Variants in CARD8 observed in about 807,000 individuals in gnomAD.
The protein encoded by CARD8 is caspase recruitment domain-containing protein 8.
A neutral mutation model predicts 53.2 loss-of-function variants in CARD8; 38 were observed. The observed-to-expected ratio is 0.71, with a 90% CI of 0.55 to 0.94. CARD8 has a LOEUF of 0.94. Among genes scored for constraint, CARD8 ranks in the 40% least tolerant of loss-of-function variants. The probability of loss-of-function intolerance (pLI) is 0.00; values close to 1 mark genes in which losing one functional copy is unlikely to be tolerated. For synonymous variants in CARD8, 245 were observed against 244.9 expected, an observed-to-expected ratio of 1.00 and a Z score of 0.00; for missense variants, 561 against 655.5, an observed-to-expected ratio of 0.86 and a Z score of 1.57.
intron 5 of CARD8, among the ~76,000 whole-genome samples, chr19:48,235,466 C>T (rs976651486): frequency 5.3e-5 from 8 of 152,142 alleles, no homozygotes. Context: ...TGACTTCTGC[C>T]ATGATGGTGA....
At chr19:48,231,309 T>C (rs1005423740) in intron 8 of CARD8, among the ~76,000 whole-genome samples, 1 of 152,166 alleles carries the variant, frequency 6.6e-6, no homozygotes, top group Non-Finnish European at 1.5e-5. Context: ...TATTTTTATT[T>C]ATTTATTTAT....
chr19:48,215,840 A>C (rs941861086), intron 12 of CARD8, among the ~76,000 whole-genome samples: 4 of 152,188 alleles, frequency 2.6e-5, no homozygotes, highest in African/African-American at 9.7e-5. Flanking sequence ...TTTGGAAAAT[A>C]ATTAAAAAAA....
intron 3 of CARD8, among the ~76,000 whole-genome samples, chr19:48,242,275 C>A (rs917171916): frequency 6.6e-6 from 1 of 152,042 alleles, no homozygotes; most frequent in Non-Finnish European, 1.5e-5. Context: ...CGTGGGAGGG[C>A]GCAGCAAGAA....
At chr19:48,238,686 T>C (rs890399542) in intron 4 of CARD8, among the ~76,000 whole-genome samples, 154 bp from the exon 5 acceptor site, 1 of 151,724 alleles carries the variant, frequency 6.6e-6, no homozygotes, top group Non-Finnish European at 1.5e-5. Context: ...CTTAGAGATA[T>C]CCATCCTTAG....
rs1389485845 is a variant in CARD8, at chr19:48,234,414, C to A, written c.339G>T (p.Gly113=). ...RAVPECQLSG[G]DIPSVSEEQE... ...ATAGCTTTTCTTACCTGGGAATGTC[C>A]CCCCCAGATAGTTGACACTCAGGAA... Residue 113 remains glycine, a synonymous_variant, in exon 6 of 14, where the codon GGG becomes GGT. Coordinates refer to ENST00000651546, the MANE Select transcript of CARD8 (RefSeq NM_001184900.3). 1.9e-6 allele frequency: 3 copies of A among 1,609,648 alleles called. No homozygotes were observed. The highest frequency in any genetic ancestry group is 2.5e-6 in the Non-Finnish European group (3 of 1,178,432).
chr19:48,215,986 G>A (rs922597786), intron 12 of CARD8, among the ~76,000 whole-genome samples: 8 of 152,080 alleles, frequency 5.3e-5, no homozygotes, highest in East Asian at 1.9e-4. Context: ...CACCAAGACA[G>A]AATAAATATG....
At chr19:48,206,137 A>T (rs2037336287), downstream of CARD8, among the ~76,000 whole-genome samples, 6 of 152,070 alleles carry the variant, frequency 3.9e-5, no homozygotes, top group South Asian at 1.0e-3. Flanking sequence ...ACCTCAAGTG[A>T]TCCACCCGCC....
At chr19:48,221,963 CAATTGATAT>C in intron 10 of CARD8, 108 bp from the exon 11 acceptor site, 1 of 801,066 alleles carries the variant, frequency 1.2e-6, no homozygotes. Context: ...GGCTATGATT[CAATTGATAT>C]AAAGATTAAG....
chr19:48,216,828 TC>T (rs567662548), intron 12 of CARD8, among the ~76,000 whole-genome samples: 299 of 152,320 alleles, frequency 2.0e-3, no homozygotes, highest in African/African-American at 6.7e-3. Context: ...GGGGATGGTC[TC>T]AGGATGATTC....
intron 10 of CARD8, 76 bp from the exon 11 acceptor site, chr19:48,221,931 A>G (rs1462604758): frequency 8.6e-6 from 11 of 1,285,798 alleles, no homozygotes; most frequent in Non-Finnish European, 1.2e-5. Flanking sequence ...AGTTATTTAT[A>G]TGGTATATTA....
chr19:48,216,686 A>G (rs2039378338), intron 12 of CARD8, among the ~76,000 whole-genome samples: 1 of 135,108 alleles, frequency 7.4e-6, no homozygotes, highest in South Asian at 2.5e-4. Flanking sequence ...GATTGTGAGG[A>G]TTCAGTGGAG....
chr19:48,218,126 T>C (rs1291609795), intron 12 of CARD8, among the ~76,000 whole-genome samples: 1 of 152,074 alleles, frequency 6.6e-6, no homozygotes, highest in East Asian at 1.9e-4. Flanking sequence ...TGTTGTGTTA[T>C]CACACTGATA....
downstream of CARD8, among the ~76,000 whole-genome samples, chr19:48,207,691 G>A (rs2037414907): frequency 6.9e-6 from 1 of 145,572 alleles, no homozygotes; most frequent in South Asian, 2.2e-4. Context: ...CTTCTTAGTA[G>A]CTTCATTCTA....
chr19:48,238,380 T>C lies in CARD8; in HGVS notation c.209+3A>G. On this transcript the variant is annotated splice_donor_region_variant and intron_variant, in intron 5 of 13. Coordinates refer to ENST00000651546, the MANE Select transcript of CARD8 (RefSeq NM_001184900.3). ...TTTTTCCCAACAAATAGATGTCCCT[T>C]ACGTATCATTTGTCACACAGGCCTC... The C allele has an allele frequency of 6.5e-7, 1 of 1,535,900 alleles. No individual in the cohort carries two copies. Among genetic ancestry groups the C allele is most frequent in the South Asian group, 1.2e-5 (1 of 84,000 alleles).
Position 48,210,467 on chromosome 19 carries a change from A to C in CARD8, c.*1243T>G, listed in dbSNP as rs1478999786. 6.6e-6 allele frequency: 1 copy of C among 152,170 alleles called. No individual in the cohort carries two copies. Among genetic ancestry groups the C allele is most frequent in the Non-Finnish European group, 1.5e-5 (1 of 68,012 alleles). The allele number at this position is 152,170 out of a possible 1,614,324, so 9.4% of individuals were successfully genotyped here. A position where few individuals can be genotyped will look rare whatever the true frequency, so the allele number is the denominator to read the frequency against. ...ATTACTCTTCTCATGAGTTTTTTAA[A>C]TCTTCTGAGTGATTAAAAGTAGAAA... On this transcript the variant is annotated 3_prime_UTR_variant, in exon 14 of 14. Coordinates refer to ENST00000651546, the MANE Select transcript of CARD8 (RefSeq NM_001184900.3).
At chr19:48,207,842 T>C (rs554761144), downstream of CARD8, among the ~76,000 whole-genome samples, 1 of 147,364 alleles carries the variant, frequency 6.8e-6, no homozygotes, top group African/African-American at 2.5e-5. Flanking sequence ...CTCAAGTGAT[T>C]CTCATGCCTT....
rs569635865 is a variant in CARD8, at chr19:48,213,562, C to T, written c.1349-1587G>A. ...CTAGTTTTTGTATTTTTAGTAGAGG[C>T]AGGGTTTCACCATGTTGGCCAGGCT... On this transcript the variant is annotated intron_variant, in intron 13 of 13. Coordinates refer to ENST00000651546, the MANE Select transcript of CARD8 (RefSeq NM_001184900.3). Among the ~76,000 whole-genome samples the T allele has an allele frequency of 1.4e-3, 206 of 152,194 alleles. 1 individual carries two copies. Among genetic ancestry groups the T allele is most frequent in the African/African-American group, 4.6e-3 (192 of 41,536 alleles).
intron 13 of CARD8, among the ~76,000 whole-genome samples, chr19:48,212,569 C>T (rs923857893): frequency 5.9e-5 from 9 of 152,190 alleles, no homozygotes; most frequent in South Asian, 2.1e-4. Flanking sequence ...TTCCATATCA[C>T]GTGGTTTAGA....
intron 10 of CARD8, among the ~76,000 whole-genome samples, chr19:48,225,743 T>C (rs2041636872): frequency 6.6e-6 from 1 of 151,646 alleles, no homozygotes; most frequent in South Asian, 2.1e-4. Flanking sequence ...AACTGAGATG[T>C]TCTAGGGTCA....
Sources: gnomAD v4.1 joint callset for allele counts (sites outside exome capture counted in the v4.1 genomes callset) on GRCh38, gnomAD v4.1.1 for gene constraint, MANE v1.5 for transcripts, NCBI Gene and HGNC (gene_info 2026-07-23, HGNC 2026-07-21) for gene names.